Variants in HEPACAM observed in about 807,000 individuals in gnomAD.
HEPACAM encodes hepatocyte cell adhesion molecule.
In HEPACAM, 18 loss-of-function variants were observed where a neutral mutation model predicts 38.3. The ratio of observed to expected loss-of-function variants is 0.47; its 90% confidence interval spans 0.33 to 0.70. The LOEUF is 0.70. HEPACAM is among the 30% of genes least tolerant of loss of function. HEPACAM has a pLI of 0.03. For missense variants in HEPACAM, 466 were observed against 563.0 expected, an observed-to-expected ratio of 0.83 and a Z score of 1.74; for synonymous variants, 216 against 243.1, an observed-to-expected ratio of 0.89 and a Z score of 1.04.
At position 124,924,053 on chromosome 11, in the gene HEPACAM, A is replaced by T; in HGVS notation, c.428-43T>A. 3 of 1,569,320 alleles carry T rather than the reference A, an allele frequency of 1.9e-6. No individual in the cohort carries two copies. The East Asian group carries it at 7.0e-5, about 36-fold the overall frequency. On this transcript the variant is annotated intron_variant, in intron 2 of 6. Transcript: ENST00000298251. This position sits in a 1 kb window ranked among gnomAD's most constrained non-coding sequence, Gnocchi z 4.4. ...GGGAGCCTGTAAGTCATTGGCTAAGAAGTGTCTCCCTTCCCCTTTTTAGCT... is the reference window on the plus strand; with the variant it reads ...GGGAGCCTGTAAGTCATTGGCTAAGTAGTGTCTCCCTTCCCCTTTTTAGCT...
rs1591545239 is a variant in HEPACAM at position 124,919,468 on chromosome 11, A to C, written c.*1670T>G. On this transcript the variant is annotated 3_prime_UTR_variant, in exon 7 of 7. Transcript: ENST00000298251. Reference sequence around the variant, plus strand: ...ATGTTCTCATCTCACCCTAACCTTCACCTGTGCATCTCAAGGCTGACCAGC... The same window carrying C: ...ATGTTCTCATCTCACCCTAACCTTCCCCTGTGCATCTCAAGGCTGACCAGC... 2.2e-6 allele frequency: 1 copy of C among 463,498 alleles called. No homozygotes were observed. The allele number at this position is 463,498 out of a possible 1,614,324, so 28.7% of individuals were successfully genotyped here. A position where few individuals can be genotyped will look rare whatever the true frequency, so the allele number is the denominator to read the frequency against.
At position 124,920,557 on chromosome 11, in the gene HEPACAM, C is replaced by T. The variant is rs920324091; in HGVS notation, c.*581G>A. ...GGTACCAGGTGCCCAGGGAAGAAGG[C>T]CTTCACAATGATCCCCCCAGCTCAG... On this transcript the variant is annotated 3_prime_UTR_variant, in exon 7 of 7. Coordinates refer to ENST00000298251, the MANE Select transcript of HEPACAM (RefSeq NM_152722.5). 6 of 1,356,928 alleles carry T rather than the reference C, an allele frequency of 4.4e-6. No homozygotes were observed. The East Asian group carries it at 1.3e-4, about 30-fold the overall frequency. 84.1% of individuals were successfully genotyped at this position (1,356,928 alleles called of 1,614,324 possible). A position where few individuals can be genotyped will look rare whatever the true frequency, so the allele number is the denominator to read the frequency against.
chr11:124,926,242 T>G (rs1947206546), intron 1 of HEPACAM, among the ~76,000 whole-genome samples: 2 of 152,080 alleles, frequency 1.3e-5, no homozygotes, highest in African/African-American at 4.8e-5. Context: ...GCAACTGCCT[T>G]ATCAAGTTCA....
At position 124,923,629 on chromosome 11, in the gene HEPACAM, C is replaced by T. The variant is rs139705367; in HGVS notation, c.709+100G>A. ...TGGATAGTTGGCCCATCTCTGTTCC[C>T]CTCCCCCCAGTGACATTTCTTTGGG... On this transcript the variant is annotated intron_variant, in intron 3 of 6. Coordinates refer to ENST00000298251, the MANE Select transcript of HEPACAM (RefSeq NM_152722.5). The T allele has an allele frequency of 1.9e-5, 28 of 1,470,652 alleles. 1 individual carries two copies. The African/African-American group carries it at 3.3e-4, about 17-fold the overall frequency. 91.1% of individuals were successfully genotyped at this position (1,470,652 alleles called of 1,614,324 possible).
intron 1 of HEPACAM, among the ~76,000 whole-genome samples, chr11:124,935,435 G>A (rs892825424): frequency 1.3e-5 from 2 of 152,078 alleles, no homozygotes; most frequent in African/African-American, 4.8e-5. Context: ...AGTGAATTAT[G>A]GATAGGTGGG....
In HEPACAM at chr11:124,925,152, TC is replaced by T. The variant is rs530403529; in HGVS notation, c.86-84del. On this transcript the variant is annotated intron_variant, in intron 1 of 6. Transcript: ENST00000298251. Reference sequence around the variant, plus strand: ...ACTCCCAACTTTAAGCCCTCTGATCTCCCAAAGCTTCGCCTCTCTGGCTCTT... The same window carrying T: ...ACTCCCAACTTTAAGCCCTCTGATCTCCAAAGCTTCGCCTCTCTGGCTCTT... The T allele has an allele frequency of 3.1e-4, 340 of 1,094,832 alleles. 6 individuals carry two copies. In the South Asian group the frequency reaches 5.3e-3, roughly 17 times the overall value. 67.8% of individuals were successfully genotyped at this position (1,094,832 alleles called of 1,614,324 possible). A position where few individuals can be genotyped will look rare whatever the true frequency, so the allele number is the denominator to read the frequency against.
chr11:124,923,001 C>T (rs561150899), intron 4 of HEPACAM, among the ~76,000 whole-genome samples, 183 bp from the exon 5 acceptor site: 6 of 152,204 alleles, frequency 3.9e-5, no homozygotes, highest in South Asian at 2.1e-4. Flanking sequence ...CTGTCACTAG[C>T]GTTGTGACTG....
Position 124,921,027 on chromosome 11 carries a change from C to G in HEPACAM, c.*111G>C, listed in dbSNP as rs986273629. 5.6e-5 allele frequency: 78 copies of G among 1,404,062 alleles called. No homozygotes were observed. The highest frequency in any genetic ancestry group is 6.8e-5 in the Non-Finnish European group (74 of 1,082,420). 87.0% of individuals were successfully genotyped at this position (1,404,062 alleles called of 1,614,324 possible). A position where few individuals can be genotyped will look rare whatever the true frequency, so the allele number is the denominator to read the frequency against. The stretch of plus-strand genomic sequence containing the variant: ...TCACACCCGAGACACCAGCGCCCCC[C>G]CGGGACCTCCCCTCGTCCCCAGCGC... On this transcript the variant is annotated 3_prime_UTR_variant, in exon 7 of 7. Transcript: ENST00000298251. This position sits in a 1 kb window ranked among gnomAD's most constrained non-coding sequence, Gnocchi z 4.6.
Position 124,922,644 on chromosome 11 carries a change from C to A in HEPACAM, c.877+101G>T, listed in dbSNP as rs78569253. The A allele has an allele frequency of 0.082, 131,770 of 1,613,338 alleles. 6,123 individuals are homozygous for A. The highest frequency in any genetic ancestry group is 0.096 in the Non-Finnish European group (112,825 of 1,179,598). ...TTCGTGCAGTTGGTGGGGGAAGGGT[C>A]CCTGCAGAGCTGTTTTCCTTGTCGC... On this transcript the variant is annotated intron_variant, in intron 5 of 6. Coordinates refer to ENST00000298251, the MANE Select transcript of HEPACAM (RefSeq NM_152722.5).
rs987309911 is a variant in HEPACAM at position 124,919,741 on chromosome 11, T to C, written c.*1397A>G. On this transcript the variant is annotated 3_prime_UTR_variant, in exon 7 of 7. Transcript: ENST00000298251. ...GGGGCTGAGACAAAACTTGACCTGG[T>C]GTGGAGGTGATGGGTAACTGGGGCC... is the stretch of plus-strand genomic sequence containing the variant. 1 of 1,612,634 alleles carries C rather than the reference T, an allele frequency of 6.2e-7. No individual in the cohort carries two copies. The highest frequency in any genetic ancestry group is 8.5e-7 in the Non-Finnish European group (1 of 1,179,418).
Position 124,935,630 on chromosome 11 carries a change from A to C in HEPACAM, c.85+292T>G, listed in dbSNP as rs550261416. On this transcript the variant is annotated intron_variant, in intron 1 of 6. Transcript: ENST00000298251. ...AATGCCAGACTGGCCCACGCCAACA[A>C]GTCATCCCATACGAAATGGCCCAGT... Among the ~76,000 whole-genome samples, 26 of 152,332 alleles carry C rather than the reference A, an allele frequency of 1.7e-4. No individual in the cohort carries two copies. The East Asian group carries it at 3.7e-3, about 21-fold the overall frequency.
intron 1 of HEPACAM, among the ~76,000 whole-genome samples, chr11:124,935,188 C>T (rs1947327854): frequency 6.6e-6 from 1 of 152,100 alleles, no homozygotes; most frequent in African/African-American, 2.4e-5. Context: ...GGTAGGTGAC[C>T]TTTCTCTGAT....
In HEPACAM at chr11:124,920,947, T is replaced by A. The variant is rs1179694804; in HGVS notation, c.*191A>T. The A allele has an allele frequency of 2.2e-6, 3 of 1,364,124 alleles. No individual in the cohort carries two copies. Among genetic ancestry groups the A allele is most frequent in the Non-Finnish European group, 2.8e-6 (3 of 1,062,370 alleles). 84.5% of individuals were successfully genotyped at this position (1,364,124 alleles called of 1,614,324 possible). On this transcript the variant is annotated 3_prime_UTR_variant, in exon 7 of 7. Coordinates refer to ENST00000298251, the MANE Select transcript of HEPACAM (RefSeq NM_152722.5). ...AAGCAAATGCGACCCGGTTTCACCA[T>A]ATCAACACTGCCGCCTCCGCGCACC...
rs146931813 is a variant in HEPACAM, at chr11:124,934,039, C to T, written c.85+1883G>A. 9.3e-4 allele frequency among the ~76,000 whole-genome samples: 141 copies of T among 152,308 alleles called. 1 individual carries two copies. The highest frequency in any genetic ancestry group is 1.7e-3 in the Non-Finnish European group (116 of 68,034). On this transcript the variant is annotated intron_variant, in intron 1 of 6. Transcript: ENST00000298251. ...TTAACTCTCACCTATGGGCTAACGG[C>T]TGCCAAATACCTCTCTCCAACCCTG...
intron 1 of HEPACAM, among the ~76,000 whole-genome samples, chr11:124,928,186 T>C (rs1320512993): frequency 6.6e-6 from 1 of 152,220 alleles, no homozygotes; most frequent in Admixed American, 6.5e-5. Flanking sequence ...CAACTGGGAA[T>C]CCCTACTGGC....
chr11:124,924,507 C>G lies in HEPACAM; in HGVS notation c.427+221G>C, dbSNP rs895874609. ...AGACTATTATAAGCATTAAATGAGT[C>G]AACATATGCAAAGCACTTAGAATAG... On this transcript the variant is annotated intron_variant, in intron 2 of 6. Transcript: ENST00000298251. This position sits in a 1 kb window ranked among gnomAD's most constrained non-coding sequence, Gnocchi z 4.4. The G allele has an allele frequency of 8.2e-6, 5 of 613,018 alleles. No individual in the cohort carries two copies. The highest frequency in any genetic ancestry group is 8.8e-6 in the Non-Finnish European group (3 of 340,804). The allele number at this position is 613,018 out of a possible 1,614,324, so 38.0% of individuals were successfully genotyped here.
intron 4 of HEPACAM, 28 bp downstream of exon 4, chr11:124,923,312 C>T (rs1376669166): frequency 7.0e-7 from 1 of 1,431,210 alleles, no homozygotes; most frequent in Admixed American, 1.7e-5. Context: ...GATTGAAGGA[C>T]TCAGGTGCTC....
At chr11:124,928,319 G>C (rs542587511) in intron 1 of HEPACAM, among the ~76,000 whole-genome samples, 1 of 152,296 alleles carries the variant, frequency 6.6e-6, no homozygotes, top group East Asian at 1.9e-4. Flanking sequence ...CCAAACTTTC[G>C]AATTTCCCTG....
At chr11:124,922,586 T>C in intron 5 of HEPACAM, 128 bp from the exon 6 acceptor site, 1 of 1,605,446 alleles carries the variant, frequency 6.2e-7, no homozygotes, top group African/African-American at 1.3e-5. Flanking sequence ...TCCTGGCTCC[T>C]ACCTTGGCCA....
Sources: gnomAD v4.1 joint callset for allele counts (sites outside exome capture counted in the v4.1 genomes callset) on GRCh38, gnomAD v4.1.1 for gene constraint, Gnocchi (gnomAD v3.1) non-coding constraint, MANE v1.5 for transcripts, NCBI Gene and HGNC (gene_info 2026-07-23, HGNC 2026-07-21) for gene names.